Variants in GINS1 observed in about 807,000 individuals in gnomAD.
GINS1 encodes the protein GINS complex subunit 1.
A neutral mutation model predicts 34.9 loss-of-function variants in GINS1; 26 were observed. The ratio of observed to expected loss-of-function variants is 0.74; its 90% CI spans 0.55 to 1.03. The LOEUF is 1.03. GINS1 is among the 50% of genes least tolerant of loss of function. GINS1 has a pLI of 0.00. For missense variants in GINS1, 235 were observed against 237.9 expected, an observed-to-expected ratio of 0.99 and a Z score of 0.08; for synonymous variants, 97 against 84.4, an observed-to-expected ratio of 1.15 and a Z score of -0.82.
chr20:25,445,711 G>A (rs1457387711), intron 6 of GINS1, among the ~76,000 whole-genome samples: 4 of 152,006 alleles, frequency 2.6e-5, no homozygotes, highest in East Asian at 1.9e-4. Flanking sequence ...TTGAACCCCC[G>A]ACCTCAGGTG....
intron 1 of GINS1, chr20:25,411,315 A>G (rs2090283594): frequency 6.6e-6 from 1 of 152,158 alleles, no homozygotes; most frequent in South Asian, 2.1e-4. Flanking sequence ...GCTCAGGTAG[A>G]AGTCATGCTT....
Position 25,417,178 on chromosome 20 carries a change from A to G in GINS1, c.215A>G (p.Asn72Ser). ...IKFRHCSLLR[N>S]RRCTVAYLYD... ...TTTCGACACTGTTCTCTGTTAAGAA[A>G]TCGACGCTGCACTGTAGCATACCTG... is the stretch of plus-strand genomic sequence containing the variant. Residue 72 changes from asparagine (N) to serine (S), a missense_variant, in exon 3 of 7, where the codon AAT becomes AGT. By Grantham distance (46) the Asn-to-Ser change is conservative. Coordinates refer to ENST00000262460, the MANE Select transcript of GINS1 (RefSeq NM_021067.5). 1 of 1,579,822 alleles carries G rather than the reference A, an allele frequency of 6.3e-7. No individual in the cohort carries two copies. The highest frequency in any genetic ancestry group is 8.7e-7 in the Non-Finnish European group (1 of 1,149,334).
chr20:25,413,527 G>T (rs935077609), intron 1 of GINS1: 7 of 428,570 alleles, frequency 1.6e-5, no homozygotes, highest in African/African-American at 1.4e-4. Flanking sequence ...GAGTCATATG[G>T]TAATTCTGTG....
intron 4 of GINS1, among the ~76,000 whole-genome samples, chr20:25,421,950 T>G (rs942996707): frequency 6.6e-6 from 1 of 151,604 alleles, no homozygotes; most frequent in Non-Finnish European, 1.5e-5. Flanking sequence ...TTCTTCATAC[T>G]TATCAATACA....
At chr20:25,407,953 C>T in intron 1 of GINS1, 58 bp downstream of exon 1, 2 of 1,290,138 alleles carry the variant, frequency 1.6e-6, no homozygotes, top group Admixed American at 1.7e-5. Flanking sequence ...GGCTCTGGGG[C>T]GGGGCGGCTC....
intron 5 of GINS1, among the ~76,000 whole-genome samples, chr20:25,438,252 C>G (rs1193590490): frequency 2.6e-5 from 4 of 152,026 alleles, no homozygotes; most frequent in African/African-American, 9.7e-5. Context: ...AACCAGGACT[C>G]CTTGCACAAA....
At chr20:25,429,545 A>C (rs1306130803) in intron 5 of GINS1, among the ~76,000 whole-genome samples, 1 of 151,978 alleles carries the variant, frequency 6.6e-6, no homozygotes, top group Admixed American at 6.6e-5. Context: ...CTCTTTCGTT[A>C]ATTTAATTTC....
At chr20:25,413,510 A>C (rs2090300204) in intron 1 of GINS1, 8 of 370,766 alleles carry the variant, frequency 2.2e-5, no homozygotes, top group Non-Finnish European at 3.9e-5. Flanking sequence ...CTAGGAGTAA[A>C]ATTACTGAGT....
At chr20:25,428,945 G>C (rs945869286) in intron 5 of GINS1, among the ~76,000 whole-genome samples, 1 of 147,320 alleles carries the variant, frequency 6.8e-6, no homozygotes, top group Non-Finnish European at 1.5e-5. Context: ...AGGGATTTTG[G>C]GTCCTCCACC....
chr20:25,422,521 G>A (rs1021340343), intron 4 of GINS1, among the ~76,000 whole-genome samples: 1 of 152,142 alleles, frequency 6.6e-6, no homozygotes, highest in Non-Finnish European at 1.5e-5. Flanking sequence ...AGCTTTGGAG[G>A]TAGAGGTTGT....
intron 5 of GINS1, among the ~76,000 whole-genome samples, chr20:25,440,019 T>C (rs1159951987): frequency 6.6e-6 from 1 of 151,292 alleles, no homozygotes; most frequent in East Asian, 2.0e-4. Flanking sequence ...ATGCCAATAC[T>C]ATCTCATCTT....
At position 25,437,185 on chromosome 20, in the gene GINS1, C is replaced by T. The variant is rs373782454; in HGVS notation, c.448-4517C>T. On this transcript the variant is annotated intron_variant, in intron 5 of 6. Coordinates refer to ENST00000262460, the MANE Select transcript of GINS1 (RefSeq NM_021067.5). ...AGAAAAATGAATAGAGGTGGGAAAACGGTGCTAGCCCTTTAAATCCCCTGG... is the reference window on the plus strand; with the variant it reads ...AGAAAAATGAATAGAGGTGGGAAAATGGTGCTAGCCCTTTAAATCCCCTGG... Among the ~76,000 whole-genome samples, 5 of 152,190 alleles carry T rather than the reference C, an allele frequency of 3.3e-5. No individual in the cohort carries two copies. In the East Asian group the frequency reaches 9.6e-4, roughly 29 times the overall value.
In GINS1 at chr20:25,409,099, G is replaced by A. The variant is rs1405939688; in HGVS notation, c.75+1204G>A. 3 of 904,566 alleles carry A rather than the reference G, an allele frequency of 3.3e-6. No individual in the cohort carries two copies. The African/African-American group carries it at 5.4e-5, about 16-fold the overall frequency. 56.0% of individuals were successfully genotyped at this position (904,566 alleles called of 1,614,324 possible). ...AAGCGAGGCATCCCAGCCAAAGGAT[G>A]CTGCAGCACAAAGTCACGTGGTCAC... On this transcript the variant is annotated intron_variant, in intron 1 of 6. Transcript: ENST00000262460.
intron 6 of GINS1, among the ~76,000 whole-genome samples, chr20:25,442,610 ATTT>A (rs146610455): frequency 8.4e-4 from 104 of 123,990 alleles, no homozygotes; most frequent in African/African-American, 2.0e-3. Flanking sequence ...TATTATTATT[ATTT>A]TTTTTTTTTT....
At chr20:25,408,420 G>C (rs2146180093) in intron 1 of GINS1, among the ~76,000 whole-genome samples, 1 of 152,290 alleles carries the variant, frequency 6.6e-6, no homozygotes, top group East Asian at 1.9e-4. Context: ...ATACAGTAAG[G>C]GCTGAGTCAG....
intron 4 of GINS1, among the ~76,000 whole-genome samples, chr20:25,422,182 G>C (rs1008633856): frequency 6.6e-6 from 1 of 152,096 alleles, no homozygotes; most frequent in Non-Finnish European, 1.5e-5. Flanking sequence ...CCATCACCCT[G>C]TTCAAGAAAG....
At chr20:25,424,380 T>C (rs1385029822) in intron 4 of GINS1, among the ~76,000 whole-genome samples, 1 of 152,248 alleles carries the variant, frequency 6.6e-6, no homozygotes, top group Non-Finnish European at 1.5e-5. Context: ...TTGACGTTAT[T>C]ACAATATTGA....
At chr20:25,432,746 C>T (rs940936331) in intron 5 of GINS1, among the ~76,000 whole-genome samples, 13 of 151,906 alleles carry the variant, frequency 8.6e-5, no homozygotes, top group East Asian at 7.7e-4. Context: ...GGATTACAGG[C>T]GTGAGCCACC....
chr20:25,435,943 G>T (rs1311651797), intron 5 of GINS1, among the ~76,000 whole-genome samples: 1 of 150,576 alleles, frequency 6.6e-6, no homozygotes, highest in Non-Finnish European at 1.5e-5. Flanking sequence ...CTCTCAAGTA[G>T]CTGGGATTAC....
Sources: gnomAD v4.1 joint callset for allele counts (sites outside exome capture counted in the v4.1 genomes callset) on GRCh38, gnomAD v4.1.1 for gene constraint, MANE v1.5 for transcripts, NCBI Gene and HGNC (gene_info 2026-07-23, HGNC 2026-07-21) for gene names.